Variants in ASPH observed in about 807,000 individuals in gnomAD.
ASPH encodes aspartyl/asparaginyl beta-hydroxylase.
ASPH carries 100 observed loss-of-function variants against 118.4 expected under a neutral mutation model. That is an observed-to-expected ratio of 0.84 (90% confidence interval 0.72 to 1.00). The LOEUF is 1.00. Among genes scored for constraint, ASPH ranks in the 50% least tolerant of loss-of-function variants. ASPH has a pLI of 0.00. For synonymous variants in ASPH, 315 were observed against 325.6 expected, an observed-to-expected ratio of 0.97 and a Z score of 0.35; for missense variants, 920 against 919.5, an observed-to-expected ratio of 1.00 and a Z score of -0.01.
intron 21 of ASPH, among the ~76,000 whole-genome samples, chr8:61,539,699 G>GGTGTGTGTTTGTGT (rs1554618406): frequency 4.3e-4 from 54 of 124,214 alleles, no homozygotes; most frequent in Admixed American, 6.0e-4. Context: ...ACACTTCTGG[G>GGTGTGTGTTTGTGT]GTGTGTGTGT....
chr8:61,616,022 GATTC>G (rs1848893223), intron 14 of ASPH, among the ~76,000 whole-genome samples: 1 of 152,266 alleles, frequency 6.6e-6, no homozygotes, highest in African/African-American at 2.4e-5. Context: ...TGATGACATT[GATTC>G]ATTATTTCTT....
chr8:61,655,498 T>C (rs1390081243), intron 3 of ASPH, among the ~76,000 whole-genome samples: 3 of 152,214 alleles, frequency 2.0e-5, no homozygotes, highest in African/African-American at 7.2e-5. Flanking sequence ...CAAACTGTGT[T>C]CCGTGTGTTA....
At chr8:61,548,741 G>A (rs1824803248) in intron 20 of ASPH, among the ~76,000 whole-genome samples, 1 of 152,184 alleles carries the variant, frequency 6.6e-6, no homozygotes, top group Admixed American at 6.5e-5. Context: ...TAAGTAGACA[G>A]AAGGGAAAAA....
intron 13 of ASPH, among the ~76,000 whole-genome samples, chr8:61,630,915 A>C (rs949034216): frequency 6.6e-6 from 1 of 152,178 alleles, no homozygotes; most frequent in African/African-American, 2.4e-5. Flanking sequence ...GTTATTACAC[A>C]TGAAGACCTT....
rs146705995 is a variant in ASPH, at chr8:61,614,174, T to C, written c.976+4804A>G. On this transcript the variant is annotated intron_variant, in intron 14 of 24. Coordinates refer to ENST00000379454, the MANE Select transcript of ASPH (RefSeq NM_004318.4). ...AGTACCCAGGAAATCTTTAAGTGTT[T>C]TAAAGACATGTAAATACTGTTTAAA... 1.2e-3 allele frequency among the ~76,000 whole-genome samples: 178 copies of C among 152,298 alleles called. 5 individuals are homozygous for C. The East Asian group carries it at 0.029, about 25-fold the overall frequency.
Position 61,567,192 on chromosome 8 carries a change from G to A in ASPH, c.1276C>T (p.Arg426Cys), listed in dbSNP as rs147012895. ...CCTAGAAATTGTTGCCTGTCTGAGCGACGCTTCAAACTCAGCTTCAGCAGG... is the reference window on the plus strand; with the variant it reads ...CCTAGAAATTGTTGCCTGTCTGAGCAACGCTTCAAACTCAGCTTCAGCAGG... ...ADLLKLSLKR[R>C]SDRQQFLGHM... The change falls in exon 17 of 25, where the codon CGC (arginine) becomes TGC (cysteine). Residue 426 changes from arginine to cysteine, a missense_variant. Transcript: ENST00000379454. 479 of 1,613,776 alleles carry A rather than the reference G, an allele frequency of 3.0e-4. 1 individual carries two copies. The highest frequency in any genetic ancestry group is 3.7e-4 in the Non-Finnish European group (433 of 1,179,876).
intron 13 of ASPH, chr8:61,624,407 A>G (rs1852001754): frequency 1.0e-6 from 1 of 985,204 alleles, no homozygotes; most frequent in Admixed American, 6.2e-5. Flanking sequence ...AACTGGCTGA[A>G]GGTATTCCTT....
At chr8:61,594,775 G>C (rs1478815701) in intron 14 of ASPH, among the ~76,000 whole-genome samples, 1 of 152,128 alleles carries the variant, frequency 6.6e-6, no homozygotes, top group African/African-American at 2.4e-5. Flanking sequence ...AAAAAATATA[G>C]TATATATAGG....
intron 14 of ASPH, among the ~76,000 whole-genome samples, chr8:61,603,211 A>G (rs1410698744): frequency 6.6e-6 from 1 of 151,262 alleles, no homozygotes; most frequent in African/African-American, 2.4e-5. Context: ...AAAAAAAAAA[A>G]AAAAAAAGAG....
At chr8:61,689,631 C>G in intron 1 of ASPH, 2 of 1,541,052 alleles carry the variant, frequency 1.3e-6, no homozygotes, top group Non-Finnish European at 1.8e-6. Flanking sequence ...AAGCTGTCAG[C>G]TAGATCTAAA....
rs1231369138 is a variant in ASPH at position 61,567,076 on chromosome 8, C to T, written c.1300+92G>A. The T allele has an allele frequency of 5.5e-6, 8 of 1,449,398 alleles. 1 individual carries two copies. Among genetic ancestry groups the T allele is most frequent in the South Asian group, 2.7e-5 (2 of 72,810 alleles). 89.8% of individuals were successfully genotyped at this position (1,449,398 alleles called of 1,614,324 possible). ...GTTGTAAAACTCAGGTTTTCTCCCA[C>T]GTAATTCTTCTAAGAGAAGAATACA... is the stretch of plus-strand genomic sequence containing the variant. On this transcript the variant is annotated intron_variant, in intron 17 of 24. Transcript: ENST00000379454.
intron 20 of ASPH, among the ~76,000 whole-genome samples, chr8:61,551,148 C>T (rs962483477): frequency 2.6e-5 from 4 of 152,122 alleles, no homozygotes; most frequent in Non-Finnish European, 4.4e-5. Flanking sequence ...ATGGGAATAC[C>T]GAGAACTGCT....
chr8:61,635,623 T>C (rs967246786), intron 12 of ASPH, among the ~76,000 whole-genome samples: 2 of 152,110 alleles, frequency 1.3e-5, no homozygotes, highest in African/African-American at 4.8e-5. Context: ...TAATACATTC[T>C]AATAATAGTT....
chr8:61,503,934 T>C (rs1805459796), intron 24 of ASPH, among the ~76,000 whole-genome samples: 1 of 152,242 alleles, frequency 6.6e-6, no homozygotes, highest in Non-Finnish European at 1.5e-5. Context: ...TTTCATTTTA[T>C]GGAAGAAAGG....
chr8:61,632,449 T>C (rs1038310771), intron 13 of ASPH, among the ~76,000 whole-genome samples: 11 of 152,192 alleles, frequency 7.2e-5, no homozygotes, highest in Non-Finnish European at 1.6e-4. Flanking sequence ...GTCCTGCCTC[T>C]TTGATACAAA....
chr8:61,640,263 G>C lies in ASPH; in HGVS notation c.791-1900C>G, dbSNP rs368079311. ...TTGGATGATTACAGCTAACTTAACT[G>C]TTCTCCCTGTATTGACTCTTGTCTC... On this transcript the variant is annotated intron_variant, in intron 10 of 24. Transcript: ENST00000379454. Among the ~76,000 whole-genome samples, 7 of 152,162 alleles carry C rather than the reference G, an allele frequency of 4.6e-5. No individual in the cohort carries two copies. The East Asian group carries it at 5.8e-4, about 13-fold the overall frequency.
At position 61,672,843 on chromosome 8, in the gene ASPH, T is replaced by C. The variant is rs527815893; in HGVS notation, c.322+8125A>G. 5.3e-5 allele frequency among the ~76,000 whole-genome samples: 8 copies of C among 152,336 alleles called. No individual in the cohort carries two copies. The South Asian group carries it at 1.7e-3, about 32-fold the overall frequency. Reference sequence around the variant, plus strand: ...TTTCTTTAAGCATTCCAAATATGCATTGTGATCAAAGATTCCACAGCCAAA... The same window carrying C: ...TTTCTTTAAGCATTCCAAATATGCACTGTGATCAAAGATTCCACAGCCAAA... On this transcript the variant is annotated intron_variant, in intron 3 of 24. Transcript: ENST00000379454.
intron 16 of ASPH, among the ~76,000 whole-genome samples, chr8:61,570,053 G>T (rs947315195): frequency 6.6e-6 from 1 of 152,080 alleles, no homozygotes; most frequent in Admixed American, 6.6e-5. Context: ...ACTGACTTTC[G>T]ACGGGTTTAC....
intron 23 of ASPH, 113 bp downstream of exon 23, chr8:61,517,906 AGTAAAAAGGGCAT>A: frequency 8.7e-7 from 1 of 1,152,212 alleles, no homozygotes; most frequent in African/African-American, 1.5e-5. Flanking sequence ...ATTATGTTTC[AGTAAAAAGGGCAT>A]GTAAAAAGAG....
Sources: allele counts gnomAD v4.1 joint callset (sites outside exome capture counted in the v4.1 genomes callset), GRCh38; gene constraint gnomAD v4.1.1; transcripts MANE v1.5; gene names NCBI Gene and HGNC (gene_info 2026-07-23, HGNC 2026-07-21).